STRIP2: variants seen among roughly 807,000 people sequenced by gnomAD.
The protein encoded by STRIP2 is striatin interacting protein 2.
In STRIP2, 84 loss-of-function variants were observed where a neutral mutation model predicts 107.1. The ratio of observed to expected loss-of-function variants is 0.78; its 90% CI spans 0.66 to 0.94. STRIP2 has a LOEUF of 0.94. STRIP2 is among the 40% of genes least tolerant of loss of function. The pLI, the probability that STRIP2 is intolerant of heterozygous loss-of-function variation, is 0.00. For synonymous variants in STRIP2, 394 were observed against 400.4 expected (o/e 0.98, Z 0.19); for missense variants, 888 against 1,034.2 (o/e 0.86, Z 1.94).
chr7:129,471,464 C>A (rs1349402), intron 18 of STRIP2, among the ~76,000 whole-genome samples: 29,929 of 152,114 alleles, frequency 0.2, 3,857 homozygotes, highest in Non-Finnish European at 0.28. Flanking sequence ...TCCTTAGAGT[C>A]TAGCACTTTG....
In STRIP2 at chr7:129,452,620, C is replaced by T. The variant is rs145294348; in HGVS notation, c.410-607C>T. ...CTGGCTGGTCTTGAACTCATAGGCT[C>T]GAGCTATCCTCCTGCTCCAGCCTCC... On this transcript the variant is annotated intron_variant, in intron 4 of 20. Coordinates refer to ENST00000249344, the MANE Select transcript of STRIP2 (RefSeq NM_020704.3). 7.3e-3 allele frequency among the ~76,000 whole-genome samples: 1,115 copies of T among 152,290 alleles called. 9 individuals carry two copies. The highest frequency in any genetic ancestry group is 0.011 in the Non-Finnish European group (775 of 68,018).
intron 16 of STRIP2, 62 bp from the exon 17 acceptor site, chr7:129,467,288 T>G (rs2151009605): frequency 1.6e-6 from 2 of 1,217,762 alleles, no homozygotes; most frequent in African/African-American, 3.0e-5. Flanking sequence ...TCTCTTTTTT[T>G]CAAACATACT....
intron 1 of STRIP2, among the ~76,000 whole-genome samples, chr7:129,435,507 A>G (rs1287359883): frequency 6.6e-6 from 1 of 152,196 alleles, no homozygotes; most frequent in East Asian, 1.9e-4. Context: ...GACATCTGGC[A>G]TAGTTGGTGG....
At position 129,480,887 on chromosome 7, in the gene STRIP2, A is replaced by T; in HGVS notation, c.2047A>T (p.Met683Leu). 6.2e-7 allele frequency: 1 copy of T among 1,608,910 alleles called. No individual in the cohort carries two copies. The highest frequency in any genetic ancestry group is 8.5e-7 in the Non-Finnish European group (1 of 1,178,368). ...KLTKWKHSRT[M>L]MLVVFKSAPI... ...GACCAAATGGAAACATTCCCGGACCATGGTGAGTGTGGTTTTTTACATCAT... is the reference window on the plus strand; with the variant it reads ...GACCAAATGGAAACATTCCCGGACCTTGGTGAGTGTGGTTTTTTACATCAT... Residue 683 changes from methionine to leucine, a missense_variant and splice_region_variant, in exon 19 of 21, where the codon ATG becomes TTG. Coordinates refer to ENST00000249344, the MANE Select transcript of STRIP2 (RefSeq NM_020704.3).
chr7:129,485,472 AG>A (rs373904661), intron 20 of STRIP2, 106 bp from the exon 21 acceptor site: 65 of 1,255,064 alleles, frequency 5.2e-5, no homozygotes, highest in East Asian at 1.8e-4. Flanking sequence ...AAAAAAAAAA[AG>A]AATTTCTGAG....
intron 18 of STRIP2, 68 bp from the exon 19 acceptor site, chr7:129,480,717 C>T: frequency 7.4e-7 from 1 of 1,359,086 alleles, no homozygotes. Flanking sequence ...CCAACATTGA[C>T]TTCCAGGCTT....
Position 129,434,483 on chromosome 7 carries a change from C to G in STRIP2, c.11C>G (p.Pro4Arg), listed in dbSNP as rs1348518896. The G allele has an allele frequency of 6.6e-7, 1 of 1,514,618 alleles. No individual in the cohort carries two copies. Among genetic ancestry groups the G allele is most frequent in the Middle Eastern group, 2.3e-4 (1 of 4,324 alleles). The allele number at this position is 1,514,618 out of a possible 1,614,324, so 93.8% of individuals were successfully genotyped here. Residue 4 changes from proline to arginine, a missense_variant, in exon 1 of 21, where the codon CCC (proline) becomes CGC (arginine). Physicochemically the swap from Pro to Arg is moderately radical, Grantham distance 103. Coordinates refer to ENST00000249344, the MANE Select transcript of STRIP2 (RefSeq NM_020704.3). MEDPAAPGTGGPPA... is the reference protein window; with the variant it reads MEDRAAPGTGGPPA... The stretch of plus-strand genomic sequence containing the variant: ...CCGCTGACCAGCAGCATGGAGGACC[C>G]CGCCGCGCCTGGGACCGGGGGCCCG...
At chr7:129,469,759 C>T (rs1187926245) in intron 17 of STRIP2, among the ~76,000 whole-genome samples, 1 of 152,196 alleles carries the variant, frequency 6.6e-6, no homozygotes, top group East Asian at 1.9e-4. Context: ...GAAGTTTTGA[C>T]TTTTAAAATG....
At chr7:129,476,152 C>T (rs1245089843) in intron 18 of STRIP2, among the ~76,000 whole-genome samples, 1 of 150,480 alleles carries the variant, frequency 6.6e-6, no homozygotes, top group African/African-American at 2.4e-5. Context: ...GGCAGAGGTG[C>T]CCCCCTCCTC....
rs1349249659 is a variant in STRIP2, at chr7:129,464,611, G to C, written c.1650-1G>C. ...ACTAATACCTTCTCTCCCCATTGTA[G>C]CATCACTGTTCTCCAGAGCATGAAG... On this transcript the variant is annotated splice_acceptor_variant, in intron 15 of 20. Coordinates refer to ENST00000249344, the MANE Select transcript of STRIP2 (RefSeq NM_020704.3). LOFTEE classifies it high-confidence loss of function. The C allele has an allele frequency of 6.2e-7, 1 of 1,613,912 alleles. No individual in the cohort carries two copies. The highest frequency in any genetic ancestry group is 8.5e-7 in the Non-Finnish European group (1 of 1,179,962).
intron 17 of STRIP2, among the ~76,000 whole-genome samples, chr7:129,470,299 G>C (rs1798761072): frequency 6.6e-6 from 1 of 152,224 alleles, no homozygotes; most frequent in Non-Finnish European, 1.5e-5. Flanking sequence ...GTCTGTGGGA[G>C]CAGTTATATT....
At chr7:129,474,251 C>T (rs138306722) in intron 18 of STRIP2, among the ~76,000 whole-genome samples, 22 of 151,936 alleles carry the variant, frequency 1.4e-4, no homozygotes, top group South Asian at 8.3e-4. Flanking sequence ...AATGATCCTT[C>T]CACCTCAGCC....
At chr7:129,469,712 T>G (rs144077224) in intron 17 of STRIP2, among the ~76,000 whole-genome samples, 212 of 152,378 alleles carry the variant, frequency 1.4e-3, no homozygotes, top group African/African-American at 4.9e-3. Context: ...AAGGTAAACA[T>G]TTCTGGCCAA....
chr7:129,477,792 T>G (rs1027828209), intron 18 of STRIP2: 1 of 251,680 alleles, frequency 4.0e-6, no homozygotes, highest in African/African-American at 2.3e-5. Context: ...TGATGCCAGA[T>G]GCAAGACTGC....
At chr7:129,459,876 A>G (rs1245370034) in intron 12 of STRIP2, among the ~76,000 whole-genome samples, 1 of 151,340 alleles carries the variant, frequency 6.6e-6, no homozygotes, top group Non-Finnish European at 1.5e-5. Context: ...CTCTCTGTCC[A>G]TAAGTCTACT....
intron 13 of STRIP2, 96 bp from the exon 14 acceptor site, chr7:129,462,870 T>G: frequency 1.1e-6 from 1 of 891,012 alleles, no homozygotes; most frequent in Non-Finnish European, 1.8e-6. Flanking sequence ...GACTCCCAGC[T>G]TAGTGCTCTT....
rs1191069876 is a variant in STRIP2, at chr7:129,483,991, C to A, written c.2254+945C>A. 6.6e-6 allele frequency among the ~76,000 whole-genome samples: 1 copy of A among 152,206 alleles called. No homozygotes were observed. The highest frequency in any genetic ancestry group is 1.5e-5 in the Non-Finnish European group (1 of 68,028). On this transcript the variant is annotated intron_variant, in intron 20 of 20. Coordinates refer to ENST00000249344, the MANE Select transcript of STRIP2 (RefSeq NM_020704.3). This position sits in a 1 kb window ranked among gnomAD's most constrained non-coding sequence, Gnocchi z 5.1. ...GAACTCCTGGGCTCAAGGGATCCTC[C>A]TGCCCTGGCCTCCCAAAGTGCTGGG...
At chr7:129,476,785 G>A (rs1426985879) in intron 18 of STRIP2, among the ~76,000 whole-genome samples, 6 of 152,188 alleles carry the variant, frequency 3.9e-5, no homozygotes, top group Non-Finnish European at 5.9e-5. Context: ...CGGCCGGGCA[G>A]AGGCTGCAAT....
At chr7:129,450,289 T>TATTCC (rs1484746411) in intron 3 of STRIP2, among the ~76,000 whole-genome samples, 5 of 152,142 alleles carry the variant, frequency 3.3e-5, no homozygotes, top group African/African-American at 1.2e-4. Flanking sequence ...TATATATATA[T>TATTCC]TAACCTTCAC....
Sources: gnomAD v4.1 joint callset for allele counts (sites outside exome capture counted in the v4.1 genomes callset) on GRCh38, gnomAD v4.1.1 for gene constraint, Gnocchi (gnomAD v3.1) non-coding constraint, MANE v1.5 for transcripts, NCBI Gene and HGNC (gene_info 2026-07-23, HGNC 2026-07-21) for gene names.